Variants in DNM3 observed in about 807,000 individuals in gnomAD.
DNM3 encodes dynamin-3.
In DNM3, 47 loss-of-function variants were observed where a neutral mutation model predicts 101.6. The observed-to-expected ratio is 0.46, with a 90% CI of 0.37 to 0.59. The LOEUF is 0.59. DNM3 is among the 20% of genes least tolerant of loss of function. The probability of loss-of-function intolerance (pLI) is 0.00; values close to 1 mark genes in which losing one functional copy is unlikely to be tolerated. For missense variants in DNM3, 849 were observed against 1,085.7 expected, an observed-to-expected ratio of 0.78 and a Z score of 3.06; for synonymous variants, 385 against 387.9, an observed-to-expected ratio of 0.99 and a Z score of 0.09.
chr1:172,412,885 T>C (rs545409878), downstream of DNM3, among the ~76,000 whole-genome samples: 6 of 152,294 alleles, frequency 3.9e-5, no homozygotes, highest in Admixed American at 3.9e-4. Flanking sequence ...AGATGGGATT[T>C]TTAAAGGGAA....
At chr1:171,847,886 CTCTCTCTCTCTGTG>C (rs1285484093) in intron 1 of DNM3, among the ~76,000 whole-genome samples, 61 of 50,934 alleles carry the variant, frequency 1.2e-3, no homozygotes, top group African/African-American at 3.7e-3. Context: ...ATTACTCTCT[CTCTCTCTCTCTGTG>C]TGTGTGTGTG....
intron 2 of DNM3, among the ~76,000 whole-genome samples, chr1:171,978,609 A>C (rs2044555056): frequency 6.6e-6 from 1 of 152,082 alleles, no homozygotes. Context: ...CTGGAAAACC[A>C]ATAAAAGGCT....
chr1:172,257,356 A>C (rs949305935), intron 15 of DNM3, among the ~76,000 whole-genome samples: 10 of 152,150 alleles, frequency 6.6e-5, no homozygotes, highest in African/African-American at 2.2e-4. Context: ...TCACATGAGC[A>C]TTAAAAAGGT....
At chr1:172,305,179 A>C in intron 15 of DNM3, among the ~76,000 whole-genome samples, 1 of 152,222 alleles carries the variant, frequency 6.6e-6, no homozygotes, top group East Asian at 1.9e-4. Flanking sequence ...AAATAGATGC[A>C]ATAAAAAATG....
intron 14 of DNM3, among the ~76,000 whole-genome samples, chr1:172,176,515 C>G (rs1006653937): frequency 6.6e-6 from 1 of 151,740 alleles, no homozygotes; most frequent in Non-Finnish European, 1.5e-5. Flanking sequence ...TGTAAATAGC[C>G]AGGTTAGTGA....
At chr1:172,383,851 G>T (rs2069051165) in intron 18 of DNM3, among the ~76,000 whole-genome samples, 1 of 152,124 alleles carries the variant, frequency 6.6e-6, no homozygotes. Flanking sequence ...CTGGAATGAG[G>T]TTTCATGTGT....
At chr1:172,027,441 C>T (rs1286081892) in intron 4 of DNM3, among the ~76,000 whole-genome samples, 21 of 151,940 alleles carry the variant, frequency 1.4e-4, no homozygotes, top group Admixed American at 1.2e-3. Context: ...ATTAGCTGGG[C>T]GTGGTGGCAT....
chr1:171,996,052 C>A (rs2045975204), intron 4 of DNM3, among the ~76,000 whole-genome samples: 1 of 151,942 alleles, frequency 6.6e-6, no homozygotes, highest in African/African-American at 2.4e-5. Flanking sequence ...TTGAAAACTT[C>A]TATAAAATAA....
chr1:172,007,484 T>C (rs1327279382), intron 4 of DNM3, among the ~76,000 whole-genome samples: 2 of 152,154 alleles, frequency 1.3e-5, no homozygotes, highest in East Asian at 3.9e-4. Context: ...AATTGAGTTG[T>C]GTTCGTCTTC....
chr1:172,082,130 A>G (rs562472468), intron 12 of DNM3, among the ~76,000 whole-genome samples: 3 of 152,336 alleles, frequency 2.0e-5, no homozygotes, highest in Admixed American at 2.0e-4. Flanking sequence ...GAAGTCATGT[A>G]TGTCTTACAT....
At chr1:172,071,117 A>ATATATC (rs1553362093) in intron 11 of DNM3, among the ~76,000 whole-genome samples, 2 of 131,694 alleles carry the variant, frequency 1.5e-5, no homozygotes, top group Non-Finnish European at 3.2e-5. Flanking sequence ...ATATATATAT[A>ATATATC]TATCTTAGTT....
At chr1:172,189,943 G>A (rs574979866) in intron 14 of DNM3, among the ~76,000 whole-genome samples, 1 of 151,610 alleles carries the variant, frequency 6.6e-6, no homozygotes, top group East Asian at 1.9e-4. Flanking sequence ...ACCCATTCAT[G>A]AGGGTTCCAT....
At chr1:172,381,705 G>A (rs1200701916) in intron 18 of DNM3, among the ~76,000 whole-genome samples, 1 of 151,986 alleles carries the variant, frequency 6.6e-6, no homozygotes, top group Non-Finnish European at 1.5e-5. Context: ...TTTTTAACTT[G>A]ATTCAAAGTG....
intron 4 of DNM3, among the ~76,000 whole-genome samples, chr1:172,018,692 A>T (rs1039028910): frequency 1.3e-5 from 2 of 152,228 alleles, no homozygotes; most frequent in East Asian, 3.8e-4. Context: ...TTTTATTTAC[A>T]TATAAGCATA....
At chr1:171,984,444 C>T (rs1004210288) in intron 2 of DNM3, among the ~76,000 whole-genome samples, 28 of 152,290 alleles carry the variant, frequency 1.8e-4, no homozygotes, top group African/African-American at 6.5e-4. Flanking sequence ...CTGGCTGTCC[C>T]TCAACATGCC....
chr1:172,017,187 A>G (rs1237907646), intron 4 of DNM3, among the ~76,000 whole-genome samples: 2 of 152,172 alleles, frequency 1.3e-5, no homozygotes, highest in Admixed American at 6.5e-5. Context: ...TTTCAAAAAA[A>G]CAGGATTTAG....
At position 172,267,554 on chromosome 1, in the gene DNM3, AAG is replaced by A. The variant is rs987096930; in HGVS notation, c.1769+13874_1769+13875del. Among the ~76,000 whole-genome samples, 236 of 152,102 alleles carry A rather than the reference AAG, an allele frequency of 1.6e-3. 3 individuals carry two copies. The highest frequency in any genetic ancestry group is 5.5e-3 in the African/African-American group (228 of 41,410). On this transcript the variant is annotated intron_variant, in intron 15 of 20. Transcript: ENST00000627582. Reference sequence around the variant, plus strand: ...ATAGAATTCTATGACATTGTCCTTTAAGAAAAAAAAAAGCATAGATGTTTTAT... The same window carrying A: ...ATAGAATTCTATGACATTGTCCTTTAAAAAAAAAAAGCATAGATGTTTTAT...
At chr1:172,162,281 T>C (rs12064584) in intron 14 of DNM3, among the ~76,000 whole-genome samples, 47,262 of 148,628 alleles carry the variant, frequency 0.32, 8,849 homozygotes, top group African/African-American at 0.56. Flanking sequence ...ATCTGTTGCT[T>C]TTGCTTGATT....
intron 3 of DNM3, among the ~76,000 whole-genome samples, 182 bp downstream of exon 3, chr1:171,987,987 T>C (rs1005832644): frequency 1.3e-4 from 20 of 152,204 alleles, no homozygotes; most frequent in Admixed American, 9.2e-4. Context: ...CAGTAGGAGA[T>C]GACTTTAATA....
Sources: allele counts gnomAD v4.1 joint callset (sites outside exome capture counted in the v4.1 genomes callset), GRCh38; gene constraint gnomAD v4.1.1; transcripts MANE v1.5; gene names NCBI Gene and HGNC (gene_info 2026-07-23, HGNC 2026-07-21).